NOL4: variants seen among roughly 807,000 people sequenced by gnomAD.
NOL4 encodes nucleolar protein 4.
In NOL4, 17 loss-of-function variants were observed where a neutral mutation model predicts 75.9. The ratio of observed to expected loss-of-function variants is 0.22; its 90% CI spans 0.15 to 0.34. The LOEUF (loss-of-function observed/expected upper bound fraction) is 0.34, where lower values mean the gene tolerates loss of function less well. Among genes scored for constraint, NOL4 ranks in the 10% least tolerant of loss-of-function variants. The pLI, the probability that NOL4 is intolerant of heterozygous loss-of-function variation, is 1.00. For missense variants in NOL4, 614 were observed against 793.5 expected (o/e 0.77, Z 2.72); for synonymous variants, 292 against 289.9 (o/e 1.01, Z -0.07).
chr18:34,183,428 G>T, intron 1 of NOL4: 1 of 151,934 alleles, frequency 6.6e-6, no homozygotes, highest in East Asian at 1.9e-4. Context: ...CACACTATAC[G>T]TTGCTAGTGT....
At chr18:34,140,336 G>A (rs2081090081) in intron 1 of NOL4, among the ~76,000 whole-genome samples, 1 of 152,120 alleles carries the variant, frequency 6.6e-6, no homozygotes, top group African/African-American at 2.4e-5. Context: ...ATGTCTCTAA[G>A]GACTTGCTTT....
chr18:33,859,979 G>A (rs147637189), intron 10 of NOL4, among the ~76,000 whole-genome samples: 2,966 of 152,130 alleles, frequency 0.019, 53 homozygotes, highest in South Asian at 0.031. Flanking sequence ...AAAGGAAAGA[G>A]GTTTAATTGA....
chr18:34,006,360 C>A (rs1265341533), intron 6 of NOL4, among the ~76,000 whole-genome samples: 1 of 152,046 alleles, frequency 6.6e-6, no homozygotes, highest in Non-Finnish European at 1.5e-5. Flanking sequence ...TGGAAGAGAT[C>A]AGCATTTCAA....
chr18:34,057,681 G>A (rs1397996078), intron 5 of NOL4, among the ~76,000 whole-genome samples: 3 of 152,102 alleles, frequency 2.0e-5, no homozygotes, highest in African/African-American at 7.2e-5. Context: ...TGCACTGGAT[G>A]GTCAAGGAAT....
chr18:33,872,585 A>G (rs2063751101), intron 10 of NOL4, among the ~76,000 whole-genome samples: 1 of 152,030 alleles, frequency 6.6e-6, no homozygotes, highest in Non-Finnish European at 1.5e-5. Context: ...TAATGTGAAT[A>G]AGGTGAGAAG....
At chr18:34,058,043 A>T (rs1315797671) in intron 5 of NOL4, among the ~76,000 whole-genome samples, 1 of 152,102 alleles carries the variant, frequency 6.6e-6, no homozygotes, top group African/African-American at 2.4e-5. Flanking sequence ...TTCTGGCCAT[A>T]ATGATGCTAT....
intron 5 of NOL4, among the ~76,000 whole-genome samples, chr18:34,038,438 T>A (rs547509620): frequency 3.3e-5 from 5 of 152,222 alleles, no homozygotes; most frequent in African/African-American, 1.2e-4. Flanking sequence ...TACACTAGCA[T>A]GTTTATTGTA....
rs183058431 is a variant in NOL4, at chr18:34,104,810, A to C, written c.526+239T>G. Among the ~76,000 whole-genome samples, 371 of 152,128 alleles carry C rather than the reference A, an allele frequency of 2.4e-3. 1 individual carries two copies. The highest frequency in any genetic ancestry group is 8.2e-3 in the African/African-American group (341 of 41,530). ...GAAATACATATAATAAATGAAAATT[A>C]AAACATGATTACAGGGAAAAATGTT... On this transcript the variant is annotated intron_variant, in intron 3 of 10. Coordinates refer to ENST00000261592, the MANE Select transcript of NOL4 (RefSeq NM_003787.5).
chr18:34,116,708 A>T (rs2079875982), intron 2 of NOL4, among the ~76,000 whole-genome samples: 1 of 152,236 alleles, frequency 6.6e-6, no homozygotes, highest in South Asian at 2.1e-4. Flanking sequence ...AAATTTAATA[A>T]CAAATTGTTG....
At chr18:34,110,441 T>G (rs902008617) in intron 2 of NOL4, among the ~76,000 whole-genome samples, 4 of 152,114 alleles carry the variant, frequency 2.6e-5, no homozygotes, top group African/African-American at 9.7e-5. Flanking sequence ...AGTAATATAA[T>G]CATCTCAACA....
chr18:33,860,054 C>T (rs531229827), intron 10 of NOL4, among the ~76,000 whole-genome samples: 1 of 152,176 alleles, frequency 6.6e-6, no homozygotes, highest in African/African-American at 2.4e-5. Flanking sequence ...GGAAAGCAGG[C>T]ATATCTTACA....
chr18:34,029,675 C>T (rs773863179), intron 5 of NOL4, among the ~76,000 whole-genome samples: 1 of 152,114 alleles, frequency 6.6e-6, no homozygotes, highest in African/African-American at 2.4e-5. Flanking sequence ...GGAAACCATG[C>T]CATACATGAA....
chr18:33,939,833 C>T (rs191699281), intron 9 of NOL4, among the ~76,000 whole-genome samples: 43 of 152,144 alleles, frequency 2.8e-4, no homozygotes, highest in Non-Finnish European at 8.8e-5. Context: ...TAAGAGAGGG[C>T]ATCCTTGTCT....
intron 6 of NOL4, among the ~76,000 whole-genome samples, chr18:33,989,755 T>A (rs1048856353): frequency 1.3e-5 from 2 of 152,130 alleles, no homozygotes; most frequent in Admixed American, 6.6e-5. Context: ...AAGCACTGTG[T>A]AAATGTCTGA....
chr18:34,116,418 A>G (rs992819804), intron 2 of NOL4, among the ~76,000 whole-genome samples: 1 of 152,218 alleles, frequency 6.6e-6, no homozygotes, highest in Non-Finnish European at 1.5e-5. Context: ...CCCTACAACT[A>G]TAAAGCCAAA....
At chr18:34,086,851 T>A (rs1335596292) in intron 5 of NOL4, among the ~76,000 whole-genome samples, 1 of 152,066 alleles carries the variant, frequency 6.6e-6, no homozygotes, top group East Asian at 1.9e-4. Flanking sequence ...ATAGGAGCAT[T>A]TTCAAAATTT....
chr18:34,133,724 AG>A (rs1426086484), intron 1 of NOL4, among the ~76,000 whole-genome samples: 1 of 152,136 alleles, frequency 6.6e-6, no homozygotes, highest in African/African-American at 2.4e-5. Context: ...AGAACCAAAA[AG>A]GTCAAATAAG....
chr18:33,870,739 C>A (rs560073044), intron 10 of NOL4, among the ~76,000 whole-genome samples: 45 of 151,756 alleles, frequency 3.0e-4, no homozygotes, highest in Admixed American at 6.6e-4. Flanking sequence ...CCAAATAACA[C>A]AAAAGACATA....
intron 6 of NOL4, among the ~76,000 whole-genome samples, chr18:33,976,769 T>G (rs1385365144): frequency 6.6e-6 from 1 of 152,158 alleles, no homozygotes. Context: ...TGAAGGTGAT[T>G]TGAACTCCCA....
Sources: gnomAD v4.1 joint callset for allele counts (sites outside exome capture counted in the v4.1 genomes callset) on GRCh38, gnomAD v4.1.1 for gene constraint, MANE v1.5 for transcripts, NCBI Gene and HGNC (gene_info 2026-07-23, HGNC 2026-07-21) for gene names.